The following SCMH1 variants were observed in gnomAD, a reference collection of about 807,000 sequenced individuals.
SCMH1 encodes polycomb protein SCMH1.
SCMH1 carries 37 observed loss-of-function variants against 70.8 expected under a neutral mutation model. The ratio of observed to expected loss-of-function variants is 0.52; its 90% CI spans 0.40 to 0.69. The LOEUF is 0.69. Ranked by LOEUF, SCMH1 falls within the 30% of genes least tolerant of loss-of-function variation. The pLI is 0.00. For synonymous variants in SCMH1, 292 were observed against 307.4 expected (o/e 0.95, Z 0.52); for missense variants, 607 against 827.3 (o/e 0.73, Z 3.27).
intron 8 of SCMH1, among the ~76,000 whole-genome samples, chr1:41,105,691 C>G (rs925949778): frequency 1.3e-5 from 2 of 152,080 alleles, no homozygotes; most frequent in African/African-American, 4.8e-5. Flanking sequence ...ATATGCCCCC[C>G]ACCCCATCTT....
At chr1:41,177,813 C>T (rs903763197) in intron 2 of SCMH1, among the ~76,000 whole-genome samples, 1 of 152,226 alleles carries the variant, frequency 6.6e-6, no homozygotes. Flanking sequence ...GGAAAACACT[C>T]TTCAGGATAT....
At chr1:41,037,019 C>T (rs1645396492) in intron 13 of SCMH1, among the ~76,000 whole-genome samples, 1 of 149,748 alleles carries the variant, frequency 6.7e-6, no homozygotes, top group Admixed American at 6.6e-5. Context: ...GTGTCTCTCT[C>T]ACCATAATAC....
intron 10 of SCMH1, among the ~76,000 whole-genome samples, chr1:41,052,276 G>A (rs2148725462): frequency 6.6e-6 from 1 of 152,344 alleles, no homozygotes; most frequent in South Asian, 2.1e-4. Context: ...GCAGGCGAGT[G>A]AGCATTACTA....
intron 10 of SCMH1, among the ~76,000 whole-genome samples, chr1:41,060,193 C>G (rs1380484695): frequency 6.8e-6 from 1 of 146,924 alleles, no homozygotes. Context: ...CAGAGAATAC[C>G]AGGAAGGAAA....
At chr1:41,239,188 C>T (rs964067389) in intron 1 of SCMH1, among the ~76,000 whole-genome samples, 3 of 152,176 alleles carry the variant, frequency 2.0e-5, no homozygotes, top group Non-Finnish European at 4.4e-5. Context: ...TGGCCTCTGA[C>T]TGTATTTCCA....
At chr1:41,054,964 G>C (rs1314191943) in intron 10 of SCMH1, among the ~76,000 whole-genome samples, 1 of 152,042 alleles carries the variant, frequency 6.6e-6, no homozygotes, top group Non-Finnish European at 1.5e-5. Flanking sequence ...TTACTTTGTT[G>C]TAGAGACGGG....
intron 4 of SCMH1, among the ~76,000 whole-genome samples, chr1:41,160,627 C>A (rs1645934004): frequency 6.6e-6 from 1 of 152,126 alleles, no homozygotes; most frequent in African/African-American, 2.4e-5. Flanking sequence ...CTCCCCTATA[C>A]CCCATGTAAT....
chr1:41,232,082 C>T (rs1661417747), intron 1 of SCMH1, among the ~76,000 whole-genome samples: 1 of 151,038 alleles, frequency 6.6e-6, no homozygotes, highest in Admixed American at 6.6e-5. Context: ...CTGATGTTTT[C>T]TCATGATTAG....
At chr1:41,159,474 T>G (rs12738915) in intron 4 of SCMH1, among the ~76,000 whole-genome samples, 3,620 of 152,298 alleles carry the variant, frequency 0.024, 61 homozygotes, top group Middle Eastern at 0.044. Context: ...TTATCTCCTG[T>G]GTTCATTATA....
chr1:41,228,017 C>G (rs995910754), intron 1 of SCMH1, among the ~76,000 whole-genome samples: 3 of 151,968 alleles, frequency 2.0e-5, no homozygotes, highest in African/African-American at 7.3e-5. Context: ...CAAAAGGAGG[C>G]AGATTTATTA....
intron 1 of SCMH1, among the ~76,000 whole-genome samples, chr1:41,202,334 T>C (rs904104030): frequency 2.1e-5 from 3 of 143,868 alleles, no homozygotes; most frequent in African/African-American, 7.6e-5. Context: ...GTGCCCAGCC[T>C]TTTTTTTTTT....
At chr1:41,230,595 C>T (rs985324521) in intron 1 of SCMH1, among the ~76,000 whole-genome samples, 3 of 151,408 alleles carry the variant, frequency 2.0e-5, no homozygotes, top group African/African-American at 7.3e-5. Flanking sequence ...GAATTCAAGG[C>T]AGCAGTGAGC....
chr1:41,077,349 G>A (rs1658610176), intron 8 of SCMH1, among the ~76,000 whole-genome samples: 4 of 152,060 alleles, frequency 2.6e-5, no homozygotes, highest in Admixed American at 2.0e-4. Flanking sequence ...GAAACTTAAG[G>A]AGCCCCTGCA....
chr1:41,202,807 T>A (rs1233883743), intron 1 of SCMH1, among the ~76,000 whole-genome samples: 2 of 152,116 alleles, frequency 1.3e-5, no homozygotes, highest in African/African-American at 4.8e-5. Context: ...CCTCTCCTAG[T>A]CTATATGCCT....
chr1:41,152,236 C>G (rs1397391916), intron 4 of SCMH1, among the ~76,000 whole-genome samples: 1 of 152,134 alleles, frequency 6.6e-6, no homozygotes, highest in Admixed American at 6.5e-5. Context: ...TAAAAACTGG[C>G]TCTCTCTCAC....
chr1:41,060,007 T>TA (rs1652005124), intron 10 of SCMH1, among the ~76,000 whole-genome samples: 1 of 138,448 alleles, frequency 7.2e-6, no homozygotes, highest in African/African-American at 2.6e-5. Flanking sequence ...AAAAAAAGAC[T>TA]GAAAAAAAAA....
chr1:41,165,755 T>C (rs1017266449), intron 2 of SCMH1, among the ~76,000 whole-genome samples: 5 of 152,116 alleles, frequency 3.3e-5, no homozygotes, highest in African/African-American at 4.8e-5. Flanking sequence ...GCTGAGTAGT[T>C]TGAGTTCCTA....
chr1:41,124,148 TCAA>T (rs1368220767), intron 6 of SCMH1, among the ~76,000 whole-genome samples: 3 of 152,166 alleles, frequency 2.0e-5, no homozygotes, highest in Non-Finnish European at 4.4e-5. Context: ...TCAACTAGAT[TCAA>T]CAACTATTAC....
At chr1:41,162,582 A>G (rs1646126564) in intron 2 of SCMH1, among the ~76,000 whole-genome samples, 1 of 152,194 alleles carries the variant, frequency 6.6e-6, no homozygotes, top group Non-Finnish European at 1.5e-5. Context: ...TGCCTGCAGA[A>G]AGAAGCCACC....
Sources: allele counts gnomAD v4.1 joint callset (sites outside exome capture counted in the v4.1 genomes callset), GRCh38; gene constraint gnomAD v4.1.1; transcripts MANE v1.5; gene names NCBI Gene and HGNC (gene_info 2026-07-23, HGNC 2026-07-21).